Variants in SRBD1 observed in about 807,000 individuals in gnomAD.
The protein encoded by SRBD1 is S1 RNA binding domain 1.
In SRBD1, 88 loss-of-function variants were observed where a neutral mutation model predicts 115.3. The ratio of observed to expected loss-of-function variants is 0.76; its 90% CI spans 0.64 to 0.91. The LOEUF (loss-of-function observed/expected upper bound fraction) is 0.91, where lower values mean the gene tolerates loss of function less well. Among genes scored for constraint, SRBD1 ranks in the 40% least tolerant of loss-of-function variants. The pLI, the probability that SRBD1 is intolerant of heterozygous loss-of-function variation, is 0.00. For synonymous variants in SRBD1, 509 were observed against 407.7 expected, an observed-to-expected ratio of 1.25 and a Z score of -2.99; for missense variants, 1,385 against 1,177.4, an observed-to-expected ratio of 1.18 and a Z score of -2.58.
chr2:45,599,351 G>A (rs981891101), intron 4 of SRBD1, 98 bp downstream of exon 4: 8 of 1,481,188 alleles, frequency 5.4e-6, no homozygotes, highest in Non-Finnish European at 7.2e-6. Flanking sequence ...AGAGAGAATT[G>A]AAAACCCCCA....
intron 14 of SRBD1, among the ~76,000 whole-genome samples, chr2:45,528,633 C>T (rs1443732931): frequency 6.6e-6 from 1 of 151,722 alleles, no homozygotes; most frequent in African/African-American, 2.4e-5. Flanking sequence ...GAACTTGAAA[C>T]TATGTAGACT....
chr2:45,428,430 A>G (rs1668224216), intron 16 of SRBD1, among the ~76,000 whole-genome samples: 2 of 152,178 alleles, frequency 1.3e-5, no homozygotes, highest in African/African-American at 4.8e-5. Context: ...AAGCGCCTGT[A>G]GTCCCAGCTA....
At chr2:45,606,246 G>A (rs571571281) in intron 1 of SRBD1, among the ~76,000 whole-genome samples, 59 of 142,898 alleles carry the variant, frequency 4.1e-4, no homozygotes, top group African/African-American at 1.3e-3. Context: ...CACAACCTCC[G>A]CCTCCTGGGT....
intron 16 of SRBD1, among the ~76,000 whole-genome samples, chr2:45,434,782 T>TA (rs1446820038): frequency 2.0e-5 from 3 of 151,882 alleles, no homozygotes; most frequent in Non-Finnish European, 2.9e-5. Flanking sequence ...TTTTTTTTTT[T>TA]AATTATACTT....
In SRBD1 at chr2:45,574,622, C is replaced by G; in HGVS notation, c.1169+5G>C. 1 of 1,612,114 alleles carries G rather than the reference C, an allele frequency of 6.2e-7. No homozygotes were observed. Among genetic ancestry groups the G allele is most frequent in the Non-Finnish European group, 8.5e-7 (1 of 1,179,140 alleles). Reference sequence around the variant, plus strand: ...AGCAGAAAACTCCATAAAAGAGATACTCACAAGTTCCGAATGAAGTCAAGC... The same window carrying G: ...AGCAGAAAACTCCATAAAAGAGATAGTCACAAGTTCCGAATGAAGTCAAGC... On this transcript the variant is annotated splice_donor_5th_base_variant and intron_variant, in intron 8 of 20. Transcript: ENST00000263736.
chr2:45,561,040 G>C (rs1185959800), intron 10 of SRBD1, among the ~76,000 whole-genome samples: 2 of 152,094 alleles, frequency 1.3e-5, no homozygotes. Context: ...CTGGGAGATT[G>C]AGGCTGTAGT....
intron 5 of SRBD1, among the ~76,000 whole-genome samples, chr2:45,584,473 A>T (rs1330302035): frequency 6.6e-6 from 1 of 152,228 alleles, no homozygotes; most frequent in Admixed American, 6.5e-5. Context: ...ACACTAAAAG[A>T]ACGTCAAGAG....
intron 17 of SRBD1, 147 bp from the exon 18 acceptor site, chr2:45,418,688 CA>C (rs537420049): frequency 3.2e-3 from 1,082 of 339,564 alleles, no homozygotes; most frequent in Non-Finnish European, 3.9e-3. Flanking sequence ...AAAAAAAAAA[CA>C]AAAAAAAAAC....
chr2:45,599,421 T>C (rs767667376), intron 4 of SRBD1, 28 bp downstream of exon 4: 1 of 1,593,488 alleles, frequency 6.3e-7, no homozygotes, highest in Non-Finnish European at 8.6e-7. Context: ...TCAAAACAAC[T>C]AAAGTGACAG....
At chr2:45,438,701 C>A (rs985725429) in intron 16 of SRBD1, among the ~76,000 whole-genome samples, 4 of 151,716 alleles carry the variant, frequency 2.6e-5, no homozygotes, top group Non-Finnish European at 5.9e-5. Context: ...GAAGGAGAGG[C>A]GAGGATGGGG....
intron 18 of SRBD1, among the ~76,000 whole-genome samples, chr2:45,414,472 ATAGT>A (rs1372238401): frequency 2.8e-5 from 4 of 144,728 alleles, no homozygotes; most frequent in Admixed American, 2.1e-4. Context: ...TAGTGTGTAT[ATAGT>A]GTGTGTGTAC....
chr2:45,398,434 G>A (rs559893167), intron 19 of SRBD1, among the ~76,000 whole-genome samples: 1 of 152,044 alleles, frequency 6.6e-6, no homozygotes, highest in Non-Finnish European at 1.5e-5. Flanking sequence ...GTCTTCCAAA[G>A]GACTTGGTAT....
chr2:45,461,830 T>C (rs1363113242), intron 16 of SRBD1, among the ~76,000 whole-genome samples: 1 of 152,204 alleles, frequency 6.6e-6, no homozygotes, highest in East Asian at 1.9e-4. Flanking sequence ...CTTAGAATAT[T>C]GACTTATTCT....
chr2:45,464,462 G>T (rs1207225501), intron 16 of SRBD1, among the ~76,000 whole-genome samples: 1 of 152,126 alleles, frequency 6.6e-6, no homozygotes, highest in African/African-American at 2.4e-5. Flanking sequence ...TGGTTAGATG[G>T]CAAATATAAT....
chr2:45,610,535 C>A (rs887989682), intron 1 of SRBD1, among the ~76,000 whole-genome samples: 2 of 152,208 alleles, frequency 1.3e-5, no homozygotes, highest in Admixed American at 1.3e-4. Context: ...GTGCCTGGAA[C>A]ACCAAGACTA....
intron 16 of SRBD1, among the ~76,000 whole-genome samples, chr2:45,468,389 T>C (rs1403325553): frequency 8.0e-6 from 1 of 125,236 alleles, no homozygotes; most frequent in African/African-American, 3.9e-5. Context: ...TTCAATGAAC[T>C]TTTTTTTTTT....
At position 45,599,524 on chromosome 2, in the gene SRBD1, C is replaced by A. The variant is rs73927579; in HGVS notation, c.573G>T (p.Gln191His). 164 of 1,614,206 alleles carry A rather than the reference C, an allele frequency of 1.0e-4. 1 individual carries two copies. The African/African-American group carries it at 1.6e-3, about 16-fold the overall frequency. ...LKKIKTETYP[Q>H]GQPVKFPANA... ...TTGCTGGAAACTTGACAGGCTGCCC[C>A]TGAGGATATGTCTCAGTCTTGATTT... Residue 191 changes from glutamine to histidine, a missense_variant, in exon 4 of 21, where the codon CAG becomes CAT. Physicochemically the swap from Gln to His is conservative, Grantham distance 24 (BLOSUM62 0). Transcript: ENST00000263736.
In SRBD1 at chr2:45,460,532, G is replaced by C. The variant is rs182602317; in HGVS notation, c.2049+16461C>G. Among the ~76,000 whole-genome samples the C allele has an allele frequency of 1.1e-3, 165 of 152,206 alleles. 1 individual carries two copies. Among genetic ancestry groups the C allele is most frequent in the African/African-American group, 3.9e-3 (161 of 41,542 alleles). On this transcript the variant is annotated intron_variant, in intron 16 of 20. Transcript: ENST00000263736. ...GGCAGGGAAGAGCAAGGATACACTTGAAATTATGGCTTCTCTATTATCTAT... is the reference window on the plus strand; with the variant it reads ...GGCAGGGAAGAGCAAGGATACACTTCAAATTATGGCTTCTCTATTATCTAT...
chr2:45,427,837 CAG>C (rs1166128830), intron 16 of SRBD1, among the ~76,000 whole-genome samples: 3 of 152,224 alleles, frequency 2.0e-5, no homozygotes, highest in Non-Finnish European at 4.4e-5. Context: ...CAGCTGCACC[CAG>C]ATTCATAAAG....
Sources: gnomAD v4.1 joint callset for allele counts (sites outside exome capture counted in the v4.1 genomes callset) on GRCh38, gnomAD v4.1.1 for gene constraint, MANE v1.5 for transcripts, NCBI Gene and HGNC (gene_info 2026-07-23, HGNC 2026-07-21) for gene names.